The following PRKN variants were observed in gnomAD, a reference collection of about 807,000 sequenced individuals.
PRKN encodes parkin RBR E3 ubiquitin protein ligase.
In PRKN, 56 loss-of-function variants were observed where a neutral mutation model predicts 59.5. The ratio of observed to expected loss-of-function variants is 0.94; its 90% CI spans 0.76 to 1.18. The LOEUF is 1.18. PRKN is among the 50% of genes most tolerant of loss of function. PRKN has a pLI of 0.00. For missense variants in PRKN, 657 were observed against 596.4 expected, an observed-to-expected ratio of 1.10 and a Z score of -1.06; for synonymous variants, 250 against 222.1, an observed-to-expected ratio of 1.13 and a Z score of -1.12.
At chr6:162,705,476 T>C (rs1257055827) in intron 1 of PRKN, among the ~76,000 whole-genome samples, 3 of 152,154 alleles carry the variant, frequency 2.0e-5, no homozygotes, top group Non-Finnish European at 4.4e-5. Context: ...AAAATCTAGA[T>C]GTCCCATTAA....
intron 1 of PRKN, among the ~76,000 whole-genome samples, chr6:162,458,550 T>A (rs569672370): frequency 7.2e-5 from 11 of 151,832 alleles, no homozygotes; most frequent in Non-Finnish European, 1.3e-4. Flanking sequence ...TATATTCCAC[T>A]GTTAAATATT....
chr6:161,824,522 C>T (rs1038791174), intron 6 of PRKN, among the ~76,000 whole-genome samples: 4 of 152,084 alleles, frequency 2.6e-5, no homozygotes, highest in South Asian at 2.1e-4. Context: ...TATGAAGTTG[C>T]GTGATTTATA....
At chr6:161,374,325 A>G (rs1197099344) in intron 10 of PRKN, among the ~76,000 whole-genome samples, 1 of 149,374 alleles carries the variant, frequency 6.7e-6, no homozygotes, top group Non-Finnish European at 1.5e-5. Context: ...TTGTGTGTGT[A>G]ACGCATGGTG....
At chr6:162,168,269 A>T (rs1470398450) in intron 4 of PRKN, among the ~76,000 whole-genome samples, 3 of 152,132 alleles carry the variant, frequency 2.0e-5, no homozygotes, top group Non-Finnish European at 2.9e-5. Context: ...ATGCTTTATC[A>T]TAGGTACAGG....
intron 5 of PRKN, among the ~76,000 whole-genome samples, chr6:162,003,327 C>T (rs1437132854): frequency 6.6e-6 from 1 of 152,030 alleles, no homozygotes; most frequent in Non-Finnish European, 1.5e-5. Flanking sequence ...CACACCACCT[C>T]TTGTTCTTAA....
intron 5 of PRKN, among the ~76,000 whole-genome samples, chr6:162,027,331 G>GA (rs1783472655): frequency 1.3e-5 from 2 of 152,024 alleles, no homozygotes; most frequent in Non-Finnish European, 2.9e-5. Flanking sequence ...TATAATCACA[G>GA]AACACCCTAA....
At chr6:162,298,203 G>A (rs1297255553) in intron 2 of PRKN, among the ~76,000 whole-genome samples, 1 of 151,896 alleles carries the variant, frequency 6.6e-6, no homozygotes, top group African/African-American at 2.4e-5. Context: ...GAAATTGACT[G>A]GGGCTTCCCT....
At chr6:162,640,999 A>G (rs570972896) in intron 1 of PRKN, among the ~76,000 whole-genome samples, 1 of 152,202 alleles carries the variant, frequency 6.6e-6, no homozygotes, top group Admixed American at 6.5e-5. Flanking sequence ...GATAGAGGAC[A>G]TAACTATTTC....
intron 7 of PRKN, among the ~76,000 whole-genome samples, chr6:161,669,880 G>A (rs1036946735): frequency 6.6e-6 from 1 of 152,208 alleles, no homozygotes; most frequent in Non-Finnish European, 1.5e-5. Flanking sequence ...CAGCAGCAGT[G>A]GGGGTCACGT....
At chr6:162,044,210 G>A (rs1446073145) in intron 5 of PRKN, among the ~76,000 whole-genome samples, 2 of 152,082 alleles carry the variant, frequency 1.3e-5, no homozygotes, top group Non-Finnish European at 2.9e-5. Context: ...TACAGACTTC[G>A]CAACTGCTGT....
intron 1 of PRKN, among the ~76,000 whole-genome samples, chr6:162,681,525 G>A (rs1224118118): frequency 6.6e-6 from 1 of 152,228 alleles, no homozygotes; most frequent in East Asian, 1.9e-4. Context: ...ATGGTAGATG[G>A]GAAATTTAAA....
At position 162,703,961 on chromosome 6, in the gene PRKN, G is replaced by A. The variant is rs552933821; in HGVS notation, c.7+23701C>T. Among the ~76,000 whole-genome samples the A allele has an allele frequency of 5.3e-5, 8 of 152,300 alleles. No individual in the cohort carries two copies. In the South Asian group the frequency reaches 1.7e-3, roughly 32 times the overall value. ...ATGACAGAGATGAGGCCCTTCTCAC[G>A]TGGAGACCACAGACAGCATTTGCAG... is the stretch of plus-strand genomic sequence containing the variant. On this transcript the variant is annotated intron_variant, in intron 1 of 11. Transcript: ENST00000366898.
chr6:161,685,068 T>G (rs1785504232), intron 7 of PRKN, among the ~76,000 whole-genome samples: 1 of 152,206 alleles, frequency 6.6e-6, no homozygotes, highest in African/African-American at 2.4e-5. Context: ...GAACATCGAA[T>G]ACTTCTACAG....
At chr6:162,631,186 T>C (rs760802634) in intron 1 of PRKN, among the ~76,000 whole-genome samples, 5 of 152,124 alleles carry the variant, frequency 3.3e-5, no homozygotes, top group Non-Finnish European at 7.4e-5. Flanking sequence ...AGCAGAGTCA[T>C]CTGTATTAGG....
chr6:162,049,732 T>C (rs2128284199), intron 5 of PRKN, among the ~76,000 whole-genome samples: 1 of 152,314 alleles, frequency 6.6e-6, no homozygotes, highest in East Asian at 1.9e-4. Flanking sequence ...AATGTCCACG[T>C]GTAACAGATT....
chr6:161,689,737 T>A (rs1218675103), intron 7 of PRKN, among the ~76,000 whole-genome samples: 2 of 151,382 alleles, frequency 1.3e-5, no homozygotes, highest in Admixed American at 1.3e-4. Flanking sequence ...GAGACAAGAG[T>A]TTTGCTGTTT....
intron 1 of PRKN, among the ~76,000 whole-genome samples, chr6:162,631,412 T>A (rs13192894): frequency 0.087 from 13,176 of 152,230 alleles, 718 homozygotes; most frequent in Middle Eastern, 0.18. Flanking sequence ...GAATTCCTTA[T>A]AAGAAGGGTG....
chr6:162,321,963 C>G (rs569256003), intron 2 of PRKN, among the ~76,000 whole-genome samples: 34 of 152,104 alleles, frequency 2.2e-4, no homozygotes, highest in African/African-American at 8.2e-4. Flanking sequence ...AGTCTTACAA[C>G]TTCCACTCAA....
chr6:162,669,946 A>G (rs1779257550), intron 1 of PRKN, among the ~76,000 whole-genome samples: 1 of 152,240 alleles, frequency 6.6e-6, no homozygotes, highest in African/African-American at 2.4e-5. Context: ...TTAATAAATC[A>G]CCAAGGAAAG....
Sources: allele counts gnomAD v4.1 joint callset (sites outside exome capture counted in the v4.1 genomes callset), GRCh38; gene constraint gnomAD v4.1.1; transcripts MANE v1.5; gene names NCBI Gene and HGNC (gene_info 2026-07-23, HGNC 2026-07-21).